The following SLC9B1 variants were observed in gnomAD, a reference collection of about 807,000 sequenced individuals.
SLC9B1 encodes sodium/hydrogen exchanger 9B1.
SLC9B1 carries 32 observed loss-of-function variants against 51.7 expected under a neutral mutation model. The observed-to-expected ratio is 0.62, with a 90% confidence interval of 0.47 to 0.83. The LOEUF (loss-of-function observed/expected upper bound fraction) is 0.83, where lower values mean the gene tolerates loss of function less well. Ranked by LOEUF, SLC9B1 falls within the 40% of genes least tolerant of loss-of-function variation. SLC9B1 has a pLI of 0.00. For missense variants in SLC9B1, 406 were observed against 613.2 expected, an observed-to-expected ratio of 0.66 and a Z score of 3.57; for synonymous variants, 145 against 212.7, an observed-to-expected ratio of 0.68 and a Z score of 2.77.
Position 102,932,389 on chromosome 4 carries a change from A to C in SLC9B1, c.654-90T>G, listed in dbSNP as rs959712399. ...AAGTAGTTTATAATAACTTTATAAC[A>C]AACATTGTTTAGAAGAATTTCAAAT... On this transcript the variant is annotated intron_variant, in intron 6 of 11. Transcript: ENST00000296422. The C allele has an allele frequency of 5.2e-6, 6 of 1,163,148 alleles. No homozygotes were observed. The African/African-American group carries it at 7.8e-5, about 15-fold the overall frequency. The allele number at this position is 1,163,148 out of a possible 1,614,324, so 72.1% of individuals were successfully genotyped here. A position where few individuals can be genotyped will look rare whatever the true frequency, so the allele number is the denominator to read the frequency against.
At chr4:102,917,187 G>T (rs1369257573) in intron 7 of SLC9B1, among the ~76,000 whole-genome samples, 1 of 152,108 alleles carries the variant, frequency 6.6e-6, no homozygotes, top group Non-Finnish European at 1.5e-5. Context: ...GCAGCCTTTT[G>T]GGAGCTCTCA....
At chr4:103,003,231 T>C (rs1740618782) in intron 1 of SLC9B1, among the ~76,000 whole-genome samples, 1 of 152,188 alleles carries the variant, frequency 6.6e-6, no homozygotes, top group African/African-American at 2.4e-5. Flanking sequence ...ACTAAAACCT[T>C]CTATCATCTG....
chr4:102,949,227 T>A (rs750666256), intron 4 of SLC9B1, 30 bp downstream of exon 4: 6 of 1,463,844 alleles, frequency 4.1e-6, no homozygotes, highest in South Asian at 1.4e-5. Context: ...TAGTCAATAA[T>A]AAAGAAAAGA....
chr4:102,939,406 C>CAAAAAAAAAA (rs56014819), intron 6 of SLC9B1, among the ~76,000 whole-genome samples: 2 of 68,264 alleles, frequency 2.9e-5, no homozygotes, highest in Non-Finnish European at 5.5e-5. Flanking sequence ...GTCTCTGAGC[C>CAAAAAAAAAA]AAAAAAAAAA....
chr4:103,012,211 T>C (rs4698875), intron 1 of SLC9B1, among the ~76,000 whole-genome samples: 50,751 of 152,068 alleles, frequency 0.33, 8,454 homozygotes, highest in Middle Eastern at 0.41. Flanking sequence ...CCCCTAAATA[T>C]CCTATTTCAT....
rs189467179 is a variant in SLC9B1 at position 103,015,662 on chromosome 4, C to T, written c.-2+3937G>A. Among the ~76,000 whole-genome samples the T allele has an allele frequency of 7.2e-5, 11 of 152,208 alleles. No individual in the cohort carries two copies. The East Asian group carries it at 9.7e-4, about 13-fold the overall frequency. On this transcript the variant is annotated intron_variant, in intron 1 of 11. Coordinates refer to ENST00000296422, the MANE Select transcript of SLC9B1 (RefSeq NM_139173.4). ...GACTATTTTGTATCTTATCTTCTCCCCTTAAACCTCCTACCCAAATATTCC... is the reference window on the plus strand; with the variant it reads ...GACTATTTTGTATCTTATCTTCTCCTCTTAAACCTCCTACCCAAATATTCC...
chr4:102,926,048 C>T (rs920313660), intron 7 of SLC9B1, among the ~76,000 whole-genome samples: 2 of 152,294 alleles, frequency 1.3e-5, no homozygotes, highest in Non-Finnish European at 2.9e-5. Context: ...ATTCAACACT[C>T]CTTCATGCTA....
chr4:102,976,589 G>A (rs1233127128), intron 3 of SLC9B1, among the ~76,000 whole-genome samples: 1 of 152,184 alleles, frequency 6.6e-6, no homozygotes, highest in African/African-American at 2.4e-5. Context: ...AATGGCATAA[G>A]TGCCAAAGTA....
At chr4:103,002,524 T>C (rs1336759410) in intron 1 of SLC9B1, among the ~76,000 whole-genome samples, 1 of 152,240 alleles carries the variant, frequency 6.6e-6, no homozygotes, top group African/African-American at 2.4e-5. Flanking sequence ...TATATGATTT[T>C]TTGACTTTTC....
chr4:102,986,266 T>TTTC (rs1560520915), intron 3 of SLC9B1, among the ~76,000 whole-genome samples: 2 of 149,128 alleles, frequency 1.3e-5, no homozygotes, highest in African/African-American at 2.5e-5. Context: ...TTTTTTTTTT[T>TTTC]TCTCTCTCTC....
At chr4:102,950,193 C>G (rs1007451729) in intron 3 of SLC9B1, among the ~76,000 whole-genome samples, 1 of 152,054 alleles carries the variant, frequency 6.6e-6, no homozygotes, top group Non-Finnish European at 1.5e-5. Context: ...TAAGAGGAAC[C>G]TACTAAATCT....
intron 1 of SLC9B1, among the ~76,000 whole-genome samples, chr4:103,015,841 G>T (rs998664645): frequency 1.3e-5 from 2 of 152,004 alleles, no homozygotes; most frequent in African/African-American, 4.8e-5. Flanking sequence ...GAAATTATAC[G>T]TTCATGTGGT....
chr4:102,904,304 C>G (rs1288160822), intron 11 of SLC9B1, among the ~76,000 whole-genome samples: 1 of 151,996 alleles, frequency 6.6e-6, no homozygotes, highest in Admixed American at 6.6e-5. Flanking sequence ...AAGTGATCTG[C>G]CTGCCTCAGC....
chr4:102,981,367 T>C (rs544774530), intron 3 of SLC9B1, among the ~76,000 whole-genome samples: 1 of 152,300 alleles, frequency 6.6e-6, no homozygotes, highest in Middle Eastern at 3.4e-3. Context: ...TGGGTAAATA[T>C]CAAGGAGTGT....
intron 3 of SLC9B1, chr4:102,961,841 G>T (rs1738150657): frequency 5.4e-6 from 1 of 186,862 alleles, no homozygotes; most frequent in Non-Finnish European, 1.1e-5. Flanking sequence ...ATCTTAAAAT[G>T]AATAAAAGTG....
At chr4:102,983,879 G>A (rs1052830175) in intron 3 of SLC9B1, among the ~76,000 whole-genome samples, 1 of 151,742 alleles carries the variant, frequency 6.6e-6, no homozygotes, top group Non-Finnish European at 1.5e-5. Context: ...TAATTGTACT[G>A]ATATCTACTC....
At chr4:102,915,951 G>A (rs1394157226) in intron 7 of SLC9B1, among the ~76,000 whole-genome samples, 3 of 151,992 alleles carry the variant, frequency 2.0e-5, no homozygotes, top group African/African-American at 7.2e-5. Context: ...AAATAAACAT[G>A]AGAAAGGAAC....
chr4:102,999,339 C>T (rs144351216), intron 1 of SLC9B1, among the ~76,000 whole-genome samples: 1 of 152,164 alleles, frequency 6.6e-6, no homozygotes, highest in African/African-American at 2.4e-5. Context: ...GTTGCCTGTA[C>T]TTTTGGCATC....
At position 102,901,307 on chromosome 4, in the gene SLC9B1, T is replaced by G; in HGVS notation, c.1358A>C (p.Glu453Ala). The G allele has an allele frequency of 6.2e-6, 10 of 1,612,046 alleles. No individual in the cohort carries two copies. The highest frequency in any genetic ancestry group is 8.5e-6 in the Non-Finnish European group (10 of 1,179,818). ...VQAVLGPLALETARVSAPHLE... is the reference protein window; with the variant it reads ...VQAVLGPLALATARVSAPHLE... ...GTGGGGTGCGGAGACTCTTGCTGTT[T>G]CTAGAGCCAGAGGACCTAACACAGC... Residue 453 changes from glutamate (E) to alanine (A), a missense_variant, in exon 12 of 12, where the codon GAA becomes GCA. Transcript: ENST00000296422.
Sources: allele counts gnomAD v4.1 joint callset (sites outside exome capture counted in the v4.1 genomes callset), GRCh38; gene constraint gnomAD v4.1.1; transcripts MANE v1.5; gene names NCBI Gene and HGNC (gene_info 2026-07-23, HGNC 2026-07-21).